WDR17: variants seen among roughly 807,000 people sequenced by gnomAD.
WDR17 encodes WD repeat-containing protein 17.
Under a neutral mutation model 161.7 loss-of-function variants are expected in WDR17, and 143 were observed. The ratio of observed to expected loss-of-function variants is 0.88; its 90% CI spans 0.77 to 1.02. The LOEUF (loss-of-function observed/expected upper bound fraction) is 1.02. Ranked by LOEUF, WDR17 falls within the 50% of genes least tolerant of loss-of-function variation. WDR17 has a pLI of 0.00. For missense variants in WDR17, 1,469 were observed against 1,520.9 expected, an observed-to-expected ratio of 0.97 and a Z score of 0.57; for synonymous variants, 517 against 515.6, an observed-to-expected ratio of 1.00 and a Z score of -0.04.
chr4:176,138,546 G>A (rs1473589068), intron 9 of WDR17, among the ~76,000 whole-genome samples: 1 of 151,596 alleles, frequency 6.6e-6, no homozygotes, highest in African/African-American at 2.4e-5. Context: ...GTTTAGCAAT[G>A]CCCCAACCTG....
intron 1 of WDR17, among the ~76,000 whole-genome samples, chr4:176,083,951 G>C (rs2126602805): frequency 1.3e-5 from 2 of 151,962 alleles, no homozygotes; most frequent in South Asian, 4.2e-4. Flanking sequence ...ATGCTACTTA[G>C]TTATTTGGAT....
At chr4:176,147,476 A>G (rs1746371955) in intron 12 of WDR17, among the ~76,000 whole-genome samples, 1 of 152,176 alleles carries the variant, frequency 6.6e-6, no homozygotes, top group Non-Finnish European at 1.5e-5. Context: ...ACACTGACCA[A>G]GCAACTTATA....
At chr4:176,114,371 T>C (rs1347897603) in intron 2 of WDR17, among the ~76,000 whole-genome samples, 1 of 152,070 alleles carries the variant, frequency 6.6e-6, no homozygotes, top group East Asian at 1.9e-4. Flanking sequence ...TAGTTGAAGT[T>C]ATAGGAAGAG....
Position 176,142,803 on chromosome 4 carries a change from C to G in WDR17, c.1529+734C>G, listed in dbSNP as rs368756809. Reference sequence around the variant, plus strand: ...GCCTAATTATACTTGTGTTCAGAGTCAAATCACACGTTTTACAAAATGATA... The same window carrying G: ...GCCTAATTATACTTGTGTTCAGAGTGAAATCACACGTTTTACAAAATGATA... On this transcript the variant is annotated intron_variant, in intron 11 of 28. Transcript: ENST00000508596. Among the ~76,000 whole-genome samples, 4 of 152,196 alleles carry G rather than the reference C, an allele frequency of 2.6e-5. No homozygotes were observed. In the South Asian group the frequency reaches 6.2e-4, roughly 24 times the overall value.
rs1752227163 is a variant in WDR17, at chr4:176,182,237, T to C, written c.*2658T>C. ...TGATTTTTAAAGCATTGGAAAAATA[T>C]TTTGCCTGTAAAAGTTAGTAACTAG... On this transcript the variant is annotated 3_prime_UTR_variant, in exon 29 of 29. Coordinates refer to ENST00000508596, the MANE Select transcript of WDR17 (RefSeq NM_181265.4). This position sits in a 1 kb window ranked among gnomAD's most constrained non-coding sequence, Gnocchi z 4.2. 1 of 151,910 alleles carries C rather than the reference T, an allele frequency of 6.6e-6. No individual in the cohort carries two copies. Among genetic ancestry groups the C allele is most frequent in the Non-Finnish European group, 1.5e-5 (1 of 67,900 alleles). 9.4% of individuals were successfully genotyped at this position (151,910 alleles called of 1,614,324 possible). A position where few individuals can be genotyped will look rare whatever the true frequency, so the allele number is the denominator to read the frequency against.
rs1304622681 is a variant in WDR17, at chr4:176,160,116, T to A, written c.2648T>A (p.Leu883His). 1 of 1,613,560 alleles carries A rather than the reference T, an allele frequency of 6.2e-7. No homozygotes were observed. The highest frequency in any genetic ancestry group is 2.2e-5 in the East Asian group (1 of 44,882). Residue 883 changes from leucine to histidine, a missense_variant, in exon 19 of 29, where the codon CTT becomes CAT. Transcript: ENST00000508596. ...AGAGGTCAGCTTAAAGAAGCTCTGC[T>A]TGTTGCACAGGTAAAACCACAGAAC... ...MSRGQLKEAL[L>H]VAQAACEGNM...
In WDR17 at chr4:176,135,244, A is replaced by T. The variant is rs376388352; in HGVS notation, c.1235A>T (p.Glu412Val). The change falls in exon 8 of 29, where the codon GAA (glutamate) becomes GTA (valine). Residue 412 changes from glutamate (E) to valine (V), a missense_variant. Glu to Val is a moderately radical substitution (Grantham distance 121). Coordinates refer to ENST00000508596, the MANE Select transcript of WDR17 (RefSeq NM_181265.4). ...GCAGTGTACACATCCCCGGGTAATG[A>T]AGGTGTTATTTATTCCCTTTCTTGG... ...LTAVYTSPGNEGVIYSLSWAP... is the reference protein window; with the variant it reads ...LTAVYTSPGNVGVIYSLSWAP... 3.8e-5 allele frequency: 62 copies of T among 1,612,028 alleles called. No homozygotes were observed. Among genetic ancestry groups the T allele is most frequent in the Non-Finnish European group, 5.1e-5 (60 of 1,178,500 alleles).
At chr4:176,134,500 T>TGGGATCCAA (rs1744081816) in intron 7 of WDR17, among the ~76,000 whole-genome samples, 1 of 151,676 alleles carries the variant, frequency 6.6e-6, no homozygotes, top group African/African-American at 2.4e-5. Context: ...TGTGGGTGTT[T>TGGGATCCAA]GGGATCCAAA....
At chr4:176,124,188 G>A (rs56364909) in intron 4 of WDR17, among the ~76,000 whole-genome samples, 3,997 of 152,194 alleles carry the variant, frequency 0.026, 158 homozygotes, top group African/African-American at 0.09. Flanking sequence ...TGACTAATTG[G>A]TACTTTCTGT....
At chr4:176,078,222 A>G (rs1734298083) in intron 1 of WDR17, among the ~76,000 whole-genome samples, 1 of 152,084 alleles carries the variant, frequency 6.6e-6, no homozygotes, top group Non-Finnish European at 1.5e-5. Context: ...TATTATAAAT[A>G]AATGTTTGAA....
intron 11 of WDR17, among the ~76,000 whole-genome samples, chr4:176,142,998 G>A (rs920438880): frequency 3.3e-5 from 5 of 152,192 alleles, no homozygotes; most frequent in Admixed American, 1.3e-4. Context: ...TCCAGCCTCA[G>A]CCTCCTGAGT....
chr4:176,160,218 T>C, intron 19 of WDR17, 92 bp downstream of exon 19: 1 of 1,475,046 alleles, frequency 6.8e-7, no homozygotes, highest in South Asian at 1.4e-5. Flanking sequence ...CTTACATAAT[T>C]GACAAAGTCA....
At position 176,125,313 on chromosome 4, in the gene WDR17, T is replaced by A; in HGVS notation, c.748T>A (p.Leu250Ile). The A allele has an allele frequency of 6.2e-7, 1 of 1,614,162 alleles. No homozygotes were observed. Among genetic ancestry groups the A allele is most frequent in the Non-Finnish European group, 8.5e-7 (1 of 1,180,004 alleles). Reference sequence around the variant, plus strand: ...CAGTGCAGCAGCTTCTGTACAGTGCTTAGCCTGGGTTCCCAGTGCTCCTGG... The same window carrying A: ...CAGTGCAGCAGCTTCTGTACAGTGCATAGCCTGGGTTCCCAGTGCTCCTGG... Reference protein sequence around the residue: ...LPSAAASVQCLAWVPSAPGMF... With the variant: ...LPSAAASVQCIAWVPSAPGMF... Residue 250 changes from leucine to isoleucine, a missense_variant, in exon 5 of 29, where the codon TTA (leucine) becomes ATA (isoleucine). Leu to Ile is a conservative substitution (Grantham distance 5). Transcript: ENST00000508596.
chr4:176,140,887 A>C (rs1745154722), intron 10 of WDR17, among the ~76,000 whole-genome samples: 2 of 152,152 alleles, frequency 1.3e-5, no homozygotes, highest in Non-Finnish European at 1.5e-5. Flanking sequence ...GAGTTTTTTG[A>C]TTAAGTGATA....
chr4:176,130,707 A>C (rs988217043), intron 6 of WDR17, among the ~76,000 whole-genome samples: 1 of 150,756 alleles, frequency 6.6e-6, no homozygotes, highest in Admixed American at 6.6e-5. Flanking sequence ...ATCATGCCAC[A>C]GCACTCCAGC....
chr4:176,139,846 A>G lies in WDR17; in HGVS notation c.1360-46A>G. ...AAGAAGTAAATATATAAGAGAAAAA[A>G]GGGGTGAATTATTTCTTATTGATAG... On this transcript the variant is annotated intron_variant, in intron 9 of 28. Transcript: ENST00000508596. 3 of 1,462,590 alleles carry G rather than the reference A, an allele frequency of 2.1e-6. No individual in the cohort carries two copies. In the African/African-American group the frequency reaches 4.2e-5, roughly 21 times the overall value. The allele number at this position is 1,462,590 out of a possible 1,614,324, so 90.6% of individuals were successfully genotyped here.
chr4:176,175,207 G>A (rs1751264996), intron 26 of WDR17, among the ~76,000 whole-genome samples: 1 of 152,056 alleles, frequency 6.6e-6, no homozygotes, highest in African/African-American at 2.4e-5. Context: ...TCCTCCTTAG[G>A]GTTTTATGCC....
At chr4:176,170,214 GA>G (rs1397528401) in intron 23 of WDR17, among the ~76,000 whole-genome samples, 1 of 151,492 alleles carries the variant, frequency 6.6e-6, no homozygotes, top group Non-Finnish European at 1.5e-5. Flanking sequence ...ACTTTAATAA[GA>G]AAACCACACT....
At chr4:176,152,131 A>G (rs2126820184) in intron 17 of WDR17, among the ~76,000 whole-genome samples, 164 bp downstream of exon 17, 1 of 151,808 alleles carries the variant, frequency 6.6e-6, no homozygotes, top group Non-Finnish European at 1.5e-5. Context: ...GCAACACGGT[A>G]AAACCCCACC....
Sources: allele counts gnomAD v4.1 joint callset (sites outside exome capture counted in the v4.1 genomes callset), GRCh38; gene constraint gnomAD v4.1.1; non-coding constraint Gnocchi (gnomAD v3.1); transcripts MANE v1.5; gene names NCBI Gene and HGNC (gene_info 2026-07-23, HGNC 2026-07-21).